ANO4: variants seen among roughly 807,000 people sequenced by gnomAD.
ANO4 encodes anoctamin-4.
In ANO4, 69 loss-of-function variants were observed where a neutral mutation model predicts 141.9. That is an observed-to-expected ratio of 0.49 (90% CI 0.40 to 0.59). The LOEUF is 0.59. Among genes scored for constraint, ANO4 ranks in the 20% least tolerant of loss-of-function variants. ANO4 has a pLI of 0.00. For synonymous variants in ANO4, 350 were observed against 394.3 expected, an observed-to-expected ratio of 0.89 and a Z score of 1.33; for missense variants, 894 against 1,162.2, an observed-to-expected ratio of 0.77 and a Z score of 3.36.
At chr12:100,731,667 G>T (rs2031386196) in intron 1 of ANO4, among the ~76,000 whole-genome samples, 1 of 152,026 alleles carries the variant, frequency 6.6e-6, no homozygotes, top group African/African-American at 2.4e-5. Flanking sequence ...CCTCCACTCT[G>T]ACCCCTGGCA....
intron 3 of ANO4, among the ~76,000 whole-genome samples, chr12:100,780,895 G>T (rs1300166004): frequency 6.6e-6 from 1 of 152,136 alleles, no homozygotes. Flanking sequence ...GTTGGTCATT[G>T]TTTGGCTTCA....
intron 1 of ANO4, among the ~76,000 whole-genome samples, chr12:100,726,963 C>CT (rs1260905420): frequency 6.6e-6 from 1 of 150,960 alleles, no homozygotes; most frequent in Admixed American, 6.6e-5. Flanking sequence ...CCCCGGGACC[C>CT]CCCCCGCCCA....
At chr12:101,097,792 A>G in intron 20 of ANO4, 56 bp from the exon 21 acceptor site, 3 of 1,606,486 alleles carry the variant, frequency 1.9e-6, no homozygotes, top group Non-Finnish European at 1.7e-6. Flanking sequence ...TATAAACCAG[A>G]CACCCTTTCT....
chr12:100,839,570 C>T (rs1484632614), intron 1 of ANO4, among the ~76,000 whole-genome samples: 1 of 152,042 alleles, frequency 6.6e-6, no homozygotes, highest in Non-Finnish European at 1.5e-5. Context: ...ATTCCCAGTA[C>T]ATATGGCAAT....
At chr12:100,830,343 A>C (rs901947401) in intron 1 of ANO4, among the ~76,000 whole-genome samples, 2 of 152,030 alleles carry the variant, frequency 1.3e-5, no homozygotes, top group Non-Finnish European at 2.9e-5. Context: ...AGATGGGAAA[A>C]TAGGGGATTA....
intron 22 of ANO4, among the ~76,000 whole-genome samples, chr12:101,104,665 ATATATAAAT>A (rs1566255041): frequency 6.6e-5 from 4 of 60,654 alleles, no homozygotes; most frequent in Admixed American, 3.5e-4. Context: ...ATATATATAT[ATATATAAAT>A]AAAAAGATTT....
At chr12:100,792,809 A>G (rs2034093404), upstream of ANO4, among the ~76,000 whole-genome samples, 1 of 152,214 alleles carries the variant, frequency 6.6e-6, no homozygotes. Context: ...TTTAAATAAT[A>G]TTCCCTTATT....
At chr12:100,862,597 C>T (rs2038541122) in intron 1 of ANO4, among the ~76,000 whole-genome samples, 2 of 147,032 alleles carry the variant, frequency 1.4e-5, no homozygotes, top group South Asian at 2.1e-4. Context: ...GCTGGGATTA[C>T]AGGCGTGAGC....
At chr12:100,820,974 A>C (rs1295177790) in intron 1 of ANO4, among the ~76,000 whole-genome samples, 2 of 151,978 alleles carry the variant, frequency 1.3e-5, no homozygotes, top group African/African-American at 4.8e-5. Context: ...CATTATAGCT[A>C]GTTGTTGGAA....
intron 1 of ANO4, among the ~76,000 whole-genome samples, chr12:100,731,289 T>C (rs2031369815): frequency 6.6e-6 from 1 of 152,228 alleles, no homozygotes; most frequent in African/African-American, 2.4e-5. Flanking sequence ...TCTTGTAACC[T>C]GTAGTGGTTT....
intron 1 of ANO4, among the ~76,000 whole-genome samples, chr12:100,819,627 T>G (rs1213432752): frequency 2.0e-5 from 3 of 152,046 alleles, no homozygotes; most frequent in African/African-American, 7.2e-5. Flanking sequence ...TTAGTGATGA[T>G]AGGTTCGCTG....
At chr12:100,739,988 T>C (rs1160149981) in exon 3 of ANO4, 5 of 702,340 alleles carry the variant, frequency 7.1e-6, no homozygotes, top group African/African-American at 7.0e-5. Flanking sequence ...GTACCACCGA[T>C]CCTTCACCCG....
intron 26 of ANO4, among the ~76,000 whole-genome samples, chr12:101,124,500 TTTG>T (rs1048314632): frequency 1.3e-5 from 2 of 152,166 alleles, no homozygotes; most frequent in Admixed American, 1.3e-4. Context: ...AATTTTTTCT[TTTG>T]TTGCAATTGC....
chr12:101,033,784 G>T (rs2047081739), intron 9 of ANO4, among the ~76,000 whole-genome samples: 1 of 151,908 alleles, frequency 6.6e-6, no homozygotes, highest in Non-Finnish European at 1.5e-5. Context: ...GCAACTTAAA[G>T]AAATTTACAA....
At chr12:100,939,747 C>T (rs1259258386) in intron 4 of ANO4, among the ~76,000 whole-genome samples, 5 of 152,124 alleles carry the variant, frequency 3.3e-5, no homozygotes, top group Non-Finnish European at 7.4e-5. Flanking sequence ...ACAAAATAAA[C>T]TTTACAGGGA....
At chr12:100,875,865 G>A (rs1208523825) in intron 1 of ANO4, among the ~76,000 whole-genome samples, 2 of 151,904 alleles carry the variant, frequency 1.3e-5, no homozygotes, top group African/African-American at 2.4e-5. Context: ...GGGTTGGGGG[G>A]TGGGGATAAC....
upstream of ANO4, among the ~76,000 whole-genome samples, chr12:100,793,666 A>C (rs893511672): frequency 6.6e-6 from 1 of 152,192 alleles, no homozygotes; most frequent in Non-Finnish European, 1.5e-5. Context: ...AGTGATAAAA[A>C]GGTGGCCCAA....
intron 5 of ANO4, among the ~76,000 whole-genome samples, chr12:100,951,886 C>A (rs2042983529): frequency 6.6e-6 from 1 of 152,190 alleles, no homozygotes; most frequent in African/African-American, 2.4e-5. Flanking sequence ...CTGTGCTTTA[C>A]AGGATATTTG....
At chr12:101,075,561 G>A (rs746120128) in intron 14 of ANO4, among the ~76,000 whole-genome samples, 13 of 150,102 alleles carry the variant, frequency 8.7e-5, no homozygotes, top group Admixed American at 6.6e-4. Flanking sequence ...TAGGAATTTC[G>A]TCTTTTGAGA....
Sources: gnomAD v4.1 joint callset for allele counts (sites outside exome capture counted in the v4.1 genomes callset) on GRCh38, gnomAD v4.1.1 for gene constraint, MANE v1.5 for transcripts, NCBI Gene and HGNC (gene_info 2026-07-23, HGNC 2026-07-21) for gene names.